EPHX1: variants seen among roughly 807,000 people sequenced by gnomAD.
The protein encoded by EPHX1 is epoxide hydrolase 1, also known as epoxide hydratase.
A neutral mutation model predicts 43.2 loss-of-function variants in EPHX1; 40 were observed. The ratio of observed to expected loss-of-function variants is 0.93; its 90% CI spans 0.72 to 1.21. The LOEUF is 1.21. Among genes scored for constraint, EPHX1 ranks in the 50% most tolerant of loss-of-function variants. The pLI is 0.00. For synonymous variants in EPHX1, 221 were observed against 226.7 expected, an observed-to-expected ratio of 0.98 and a Z score of 0.22; for missense variants, 550 against 570.4, an observed-to-expected ratio of 0.96 and a Z score of 0.36.
At chr1:225,824,134 G>C (rs1448453970) in intron 1 of EPHX1, among the ~76,000 whole-genome samples, 1 of 152,172 alleles carries the variant, frequency 6.6e-6, no homozygotes, top group African/African-American at 2.4e-5. Context: ...CAGACTCTAA[G>C]ACCGCCCACC....
intron 3 of EPHX1, 163 bp downstream of exon 3, chr1:225,832,122 C>A: frequency 1.3e-6 from 1 of 746,978 alleles, no homozygotes; most frequent in Non-Finnish European, 2.3e-6. Context: ...AAAAATATTG[C>A]AGTCACAACA....
intron 3 of EPHX1, among the ~76,000 whole-genome samples, chr1:225,834,543 G>T (rs1375618251): frequency 6.8e-6 from 1 of 147,686 alleles, no homozygotes; most frequent in Admixed American, 6.9e-5. Context: ...TCCCAGTGGT[G>T]TGTGTCCTGG....
In EPHX1 at chr1:225,839,324, A is replaced by C. The variant is rs1668175985; in HGVS notation, c.700A>C (p.Asn234His). The change falls in exon 5 of 9, where the codon AAT (asparagine) becomes CAT (histidine). Residue 234 changes from asparagine (N) to histidine (H), a missense_variant. Asn to His is a moderately conservative substitution (Grantham distance 68, BLOSUM62 1). Coordinates refer to ENST00000272167, the MANE Select transcript of EPHX1 (RefSeq NM_001136018.4). The part of the protein sequence containing the change: ...GGDWGSLICT[N>H]MAQLVPSHVK... ...GGACTGGGGGTCCCTGATCTGCACT[A>C]ATATGGCCCAGCTGGTGCCCAGGTG... The C allele has an allele frequency of 6.2e-7, 1 of 1,613,296 alleles. No individual in the cohort carries two copies. The highest frequency in any genetic ancestry group is 1.7e-5 in the Admixed American group (1 of 59,948).
Position 225,838,772 on chromosome 1 carries a change from C to A in EPHX1, c.483C>A (p.Ile161=), listed in dbSNP as rs777312225. Residue 161 remains isoleucine (I), a synonymous_variant, in exon 4 of 9, where the codon ATC becomes ATA. Transcript: ENST00000272167. ...CTTTCTACGAGTTTTATAAGATCATCCCACTCCTGACTGACCCCAAGAACC... is the reference window on the plus strand; with the variant it reads ...CTTTCTACGAGTTTTATAAGATCATACCACTCCTGACTGACCCCAAGAACC... The part of the protein sequence containing the change: ...PGSFYEFYKI[I]PLLTDPKNHG... The A allele has an allele frequency of 6.2e-7, 1 of 1,614,186 alleles. No individual in the cohort carries two copies. The highest frequency in any genetic ancestry group is 1.7e-5 in the Admixed American group (1 of 60,028).
intron 7 of EPHX1, among the ~76,000 whole-genome samples, chr1:225,843,747 C>T (rs1668642122): frequency 6.6e-6 from 1 of 152,220 alleles, no homozygotes; most frequent in Non-Finnish European, 1.5e-5. Context: ...TGGTCGTTTT[C>T]AAGCTGCGGG....
intron 3 of EPHX1, among the ~76,000 whole-genome samples, chr1:225,835,678 G>A (rs889058104): frequency 4.0e-5 from 6 of 151,222 alleles, no homozygotes; most frequent in Admixed American, 4.0e-4. Context: ...TATGAGCCAC[G>A]GCACCCGGCC....
chr1:225,812,144 AGTGTGG>A (rs1666512927), intron 1 of EPHX1, among the ~76,000 whole-genome samples: 1 of 152,096 alleles, frequency 6.6e-6, no homozygotes, highest in Non-Finnish European at 1.5e-5. Flanking sequence ...GTGTTTGCAG[AGTGTGG>A]GTCAAGCTGA....
rs112043151 is a variant in EPHX1 at position 225,832,043 on chromosome 1, G to A, written c.364+84G>A. 1,180 of 1,481,728 alleles carry A rather than the reference G, an allele frequency of 8.0e-4. 6 individuals carry two copies. The African/African-American group carries it at 0.014, about 18-fold the overall frequency. The allele number at this position is 1,481,728 out of a possible 1,614,324, so 91.8% of individuals were successfully genotyped here. The stretch of plus-strand genomic sequence containing the variant: ...ACAATGTGACTTACAGTCAGATAAA[G>A]TTGGAGAGATTCAGAACCCAATTAT... On this transcript the variant is annotated intron_variant, in intron 3 of 8. Coordinates refer to ENST00000272167, the MANE Select transcript of EPHX1 (RefSeq NM_001136018.4).
intron 1 of EPHX1, among the ~76,000 whole-genome samples, chr1:225,816,596 T>G (rs938645287): frequency 3.3e-5 from 5 of 152,220 alleles, no homozygotes; most frequent in African/African-American, 1.2e-4. Flanking sequence ...AACTTAAAGT[T>G]TGTGTGGCCT....
rs770737585 is a variant in EPHX1 at position 225,842,480 on chromosome 1, G to A, written c.1040+6G>A. The stretch of plus-strand genomic sequence containing the variant: ...GAGGATGGAGGCCTGGAAAGGTGAG[G>A]CCCTGGTTTGCCCCTGCAGTCATGA... On this transcript the variant is annotated splice_donor_region_variant and intron_variant, in intron 7 of 8. Coordinates refer to ENST00000272167, the MANE Select transcript of EPHX1 (RefSeq NM_001136018.4). The A allele has an allele frequency of 4.4e-6, 7 of 1,592,698 alleles. No individual in the cohort carries two copies. The highest frequency in any genetic ancestry group is 2.2e-5 in the East Asian group (1 of 44,792).
chr1:225,815,332 G>A lies in EPHX1; in HGVS notation c.-6+5163G>A, dbSNP rs924326425. 6.7e-5 allele frequency among the ~76,000 whole-genome samples: 9 copies of A among 135,272 alleles called. 2 individuals are homozygous for A. Among genetic ancestry groups the A allele is most frequent in the East Asian group, 2.0e-4 (1 of 4,904 alleles). 88.7% of individuals were successfully genotyped at this position (135,272 alleles called of 152,430 possible). On this transcript the variant is annotated intron_variant, in intron 1 of 8. Coordinates refer to ENST00000272167, the MANE Select transcript of EPHX1 (RefSeq NM_001136018.4). ...GCCATCTCAGCTGTCTGCAAACTCC[G>A]CCCCACCAGGCTCAAGCCATCCTCA...
chr1:225,827,461 A>G (rs1480785363), intron 1 of EPHX1, among the ~76,000 whole-genome samples: 1 of 152,194 alleles, frequency 6.6e-6, no homozygotes, highest in Non-Finnish European at 1.5e-5. Context: ...CTAGATAACA[A>G]TGCTGGGCTG....
intron 1 of EPHX1, among the ~76,000 whole-genome samples, 193 bp from the exon 2 acceptor site, chr1:225,828,532 T>C (rs898235604): frequency 2.0e-5 from 3 of 148,508 alleles, no homozygotes; most frequent in Admixed American, 6.8e-5. Context: ...ATATATAATA[T>C]TTATACTATA....
Position 225,838,799 on chromosome 1 carries a change from T to A in EPHX1, c.510T>A (p.His170Gln). 6.2e-7 allele frequency: 1 copy of A among 1,614,180 alleles called. No homozygotes were observed. Among genetic ancestry groups the A allele is most frequent in the Non-Finnish European group, 8.5e-7 (1 of 1,180,032 alleles). ...IIPLLTDPKNHGLSDEHVFEV... is the reference protein window; with the variant it reads ...IIPLLTDPKNQGLSDEHVFEV... ...CACTCCTGACTGACCCCAAGAACCA[T>A]GGCCTGAGCGATGAGCACGTTTTTG... Residue 170 changes from histidine (H) to glutamine (Q), a missense_variant, in exon 4 of 9, where the codon CAT becomes CAA. His to Gln is a conservative substitution (Grantham distance 24). Transcript: ENST00000272167.
intron 6 of EPHX1, among the ~76,000 whole-genome samples, chr1:225,840,274 C>T (rs932874224): frequency 6.6e-6 from 1 of 152,202 alleles, no homozygotes; most frequent in African/African-American, 2.4e-5. Context: ...TTCATAGTGG[C>T]TTTCACCCCT....
intron 1 of EPHX1, 91 bp from the exon 2 acceptor site, chr1:225,828,634 C>A: frequency 7.6e-7 from 1 of 1,320,586 alleles, no homozygotes; most frequent in Non-Finnish European, 1.1e-6. Flanking sequence ...TGGAGCGCAG[C>A]AGGAAAGAGC....
intron 3 of EPHX1, among the ~76,000 whole-genome samples, chr1:225,837,946 A>T (rs1448897240): frequency 6.6e-6 from 1 of 152,252 alleles, no homozygotes; most frequent in East Asian, 1.9e-4. Context: ...AAGTACATAA[A>T]ACTCAAAGAG....
At chr1:225,816,505 G>C (rs555335669) in intron 1 of EPHX1, among the ~76,000 whole-genome samples, 5 of 152,294 alleles carry the variant, frequency 3.3e-5, no homozygotes, top group Non-Finnish European at 7.4e-5. Context: ...GAGATGGAAT[G>C]GGACCTCAAA....
At chr1:225,824,130 C>CT (rs1667115461) in intron 1 of EPHX1, among the ~76,000 whole-genome samples, 1 of 152,184 alleles carries the variant, frequency 6.6e-6, no homozygotes, top group Non-Finnish European at 1.5e-5. Context: ...TGGTCAGACT[C>CT]TAAGACCGCC....
Sources: gnomAD v4.1 joint callset for allele counts (sites outside exome capture counted in the v4.1 genomes callset) on GRCh38, gnomAD v4.1.1 for gene constraint, MANE v1.5 for transcripts, NCBI Gene and HGNC (gene_info 2026-07-23, HGNC 2026-07-21) for gene names.